MTOR: variants seen among roughly 807,000 people sequenced by gnomAD.
MTOR encodes mechanistic target of rapamycin kinase.
In MTOR, 70 loss-of-function variants were observed where a neutral mutation model predicts 319.8. That is an observed-to-expected ratio of 0.22 (90% CI 0.18 to 0.27). The LOEUF is 0.27. Ranked by LOEUF, MTOR falls within the 10% of genes least tolerant of loss-of-function variation. MTOR has a pLI of 1.00. For synonymous variants in MTOR, 1,183 were observed against 1,211.4 expected (o/e 0.98, Z 0.49); for missense variants, 1,890 against 3,274.4 (o/e 0.58, Z 10.32).
Position 11,240,594 on chromosome 1 carries a change from C to T in MTOR, c.1542-47G>A, listed in dbSNP as rs770464091. On this transcript the variant is annotated intron_variant, in intron 10 of 57. Coordinates refer to ENST00000361445, the MANE Select transcript of MTOR (RefSeq NM_004958.4). ...ACATAAGGGCTGGGCACATGACACT[C>T]AGTCTGTTCTTGGGAAGAAACAGCT... 4 of 1,587,358 alleles carry T rather than the reference C, an allele frequency of 2.5e-6. No homozygotes were observed. In the South Asian group the frequency reaches 4.6e-5, roughly 18 times the overall value.
chr1:11,255,515 T>C (rs894939578), intron 5 of MTOR, among the ~76,000 whole-genome samples: 4 of 151,902 alleles, frequency 2.6e-5, no homozygotes, highest in African/African-American at 9.7e-5. Context: ...TTTGCTTTAA[T>C]AAAATGCAAT....
chr1:11,179,175 G>C (rs1433526839), intron 28 of MTOR, among the ~76,000 whole-genome samples: 5 of 152,206 alleles, frequency 3.3e-5, no homozygotes, highest in African/African-American at 1.2e-4. Flanking sequence ...ATCACTGCAT[G>C]AACAGTCAGA....
chr1:11,248,083 T>G lies in MTOR; in HGVS notation c.852A>C (p.Glu284Asp). 6.2e-7 allele frequency: 1 copy of G among 1,608,120 alleles called. No homozygotes were observed. The highest frequency in any genetic ancestry group is 8.5e-7 in the Non-Finnish European group (1 of 1,176,036). Residue 284 changes from glutamate (E) to aspartate (D), a missense_variant, in exon 7 of 58, where the codon GAA becomes GAC. Physicochemically the swap from Glu to Asp is conservative, Grantham distance 45. This residue lies in a region of MTOR where 418 missense variants were observed against 543.1 expected (regional missense o/e 0.77). Transcript: ENST00000361445. ...ISSMEGERLR[E>D]EMEEITQQQL... ...GCTGCTGTGTGATTTCTTCCATTTC[T>G]TCTCTCAGACGCTATATATATGAGG...
Position 11,115,763 on chromosome 1 carries a change from GT to G in MTOR, c.7017-296del, listed in dbSNP as rs1446423376. The G allele has an allele frequency of 1.2e-5, 4 of 331,444 alleles. No individual in the cohort carries two copies. The East Asian group carries it at 2.0e-4, about 17-fold the overall frequency. 20.5% of individuals were successfully genotyped at this position (331,444 alleles called of 1,614,324 possible). On this transcript the variant is annotated intron_variant, in intron 50 of 57. Coordinates refer to ENST00000361445, the MANE Select transcript of MTOR (RefSeq NM_004958.4). The surrounding 1 kb of genome is among the most constrained non-coding windows in gnomAD (Gnocchi z 4.5). ...TATTAACTGGTCCTTTACAGAAACAGTTTGCCAACTCCTGCTGAAATGTGGG... is the reference window on the plus strand; with the variant it reads ...TATTAACTGGTCCTTTACAGAAACAGTTGCCAACTCCTGCTGAAATGTGGG...
intron 8 of MTOR, among the ~76,000 whole-genome samples, chr1:11,246,276 T>G (rs1648804682): frequency 6.6e-6 from 1 of 152,216 alleles, no homozygotes; most frequent in South Asian, 2.1e-4. Context: ...CCTTCTGAAC[T>G]TACAAGGGTA....
intron 4 of MTOR, 57 bp downstream of exon 4, chr1:11,256,876 C>G: frequency 4.6e-6 from 7 of 1,522,666 alleles, no homozygotes; most frequent in Non-Finnish European, 6.3e-6. Context: ...GCAAAAGACC[C>G]CCCCATGACA....
chr1:11,252,474 G>T (rs1006382336), intron 6 of MTOR, among the ~76,000 whole-genome samples: 1 of 152,030 alleles, frequency 6.6e-6, no homozygotes, highest in Non-Finnish European at 1.5e-5. Flanking sequence ...GAATCCAGAT[G>T]TAGAACTCAT....
chr1:11,166,230 G>A (rs1211739736), intron 29 of MTOR, among the ~76,000 whole-genome samples: 1 of 152,150 alleles, frequency 6.6e-6, no homozygotes, highest in African/African-American at 2.4e-5. Flanking sequence ...GGCAACAAAA[G>A]CCAAAATTGA....
At chr1:11,145,955 A>G (rs72647298) in intron 32 of MTOR, among the ~76,000 whole-genome samples, 2,547 of 152,262 alleles carry the variant, frequency 0.017, 29 homozygotes, top group South Asian at 0.043. Context: ...GAGATGCCCA[A>G]TCCTGTCCAC....
Position 11,133,675 on chromosome 1 carries a change from C to G in MTOR, c.5247-478G>C, listed in dbSNP as rs1379453399. Reference sequence around the variant, plus strand: ...GCATTAATCCTCACACTACTTTATACCACCCTAGGAAATAGAAACTGTTAC... The same window carrying G: ...GCATTAATCCTCACACTACTTTATAGCACCCTAGGAAATAGAAACTGTTAC... On this transcript the variant is annotated intron_variant, in intron 37 of 57. Transcript: ENST00000361445. This position sits in a 1 kb window ranked among gnomAD's most constrained non-coding sequence, Gnocchi z 4.0. 6.6e-6 allele frequency among the ~76,000 whole-genome samples: 1 copy of G among 152,190 alleles called. No homozygotes were observed. The highest frequency in any genetic ancestry group is 1.5e-5 in the Non-Finnish European group (1 of 68,040).
In MTOR at chr1:11,200,261, T is replaced by C. The variant is rs996892137; in HGVS notation, c.3945-558A>G. On this transcript the variant is annotated intron_variant, in intron 26 of 57. Coordinates refer to ENST00000361445, the MANE Select transcript of MTOR (RefSeq NM_004958.4). ...GAAATGTCAAAGGCAGCATCTGCAA[T>C]TGCTTTCAAAATATAACCAGAATCC... Among the ~76,000 whole-genome samples, 3 of 152,322 alleles carry C rather than the reference T, an allele frequency of 2.0e-5. 1 individual carries two copies. In the South Asian group the frequency reaches 6.2e-4, roughly 32 times the overall value.
rs1427441821 is a variant in MTOR, at chr1:11,122,025, T to C, written c.6764A>G (p.Glu2255Gly). 47 of 1,614,060 alleles carry C rather than the reference T, an allele frequency of 2.9e-5. No individual in the cohort carries two copies. The highest frequency in any genetic ancestry group is 3.9e-5 in the Non-Finnish European group (46 of 1,180,038). The change falls in exon 48 of 58, where the codon GAG becomes GGG. Residue 2255 changes from glutamate (E) to glycine (G), a missense_variant. Coordinates refer to ENST00000361445, the MANE Select transcript of MTOR (RefSeq NM_004958.4). Reference sequence around the variant, plus strand: ...GATGTTGAGAAGGATCTTCTTCTTCTCCCTGTAGTCCCGGATGAGGGCGTG... The same window carrying C: ...GATGTTGAGAAGGATCTTCTTCTTCCCCCTGTAGTCCCGGATGAGGGCGTG... ...TLHALIRDYR[E>G]KKKILLNIEH...
At chr1:11,183,905 A>G (rs1333890061) in intron 28 of MTOR, among the ~76,000 whole-genome samples, 1 of 152,224 alleles carries the variant, frequency 6.6e-6, no homozygotes, top group Non-Finnish European at 1.5e-5. Context: ...CCTTGTTATA[A>G]ATCAAGTGTC....
chr1:11,246,028 T>A (rs1258061714), intron 8 of MTOR, among the ~76,000 whole-genome samples: 1 of 152,202 alleles, frequency 6.6e-6, no homozygotes, highest in Non-Finnish European at 1.5e-5. Flanking sequence ...CTAAAGCTTA[T>A]AACATTGAGA....
intron 49 of MTOR, among the ~76,000 whole-genome samples, chr1:11,119,196 TGAG>T (rs1476648135): frequency 1.3e-5 from 2 of 151,920 alleles, no homozygotes; most frequent in African/African-American, 4.8e-5. Flanking sequence ...TTTGGGAGGC[TGAG>T]AAGGGCGGAT....
intron 38 of MTOR, chr1:11,132,802 C>T (rs769452566): frequency 1.5e-5 from 5 of 333,920 alleles, no homozygotes; most frequent in Non-Finnish European, 2.7e-5. Flanking sequence ...CCCAGGAAAA[C>T]AAGCAGCTCA....
At chr1:11,251,473 TA>T (rs1649659743) in intron 6 of MTOR, among the ~76,000 whole-genome samples, 1 of 152,200 alleles carries the variant, frequency 6.6e-6, no homozygotes, top group South Asian at 2.1e-4. Flanking sequence ...ATATGATATA[TA>T]ATAGGTTTTT....
intron 31 of MTOR, among the ~76,000 whole-genome samples, chr1:11,148,111 C>A (rs918255288): frequency 6.6e-6 from 1 of 152,030 alleles, no homozygotes; most frequent in African/African-American, 2.4e-5. Flanking sequence ...AGACAACTGT[C>A]CTCTCCCTTT....
At chr1:11,126,837 G>C (rs775219462) in intron 45 of MTOR, 41 bp from the exon 46 acceptor site, 6 of 1,598,346 alleles carry the variant, frequency 3.8e-6, no homozygotes. Context: ...CTGCCTCCAG[G>C]GAAGAATTTA....
Sources: allele counts gnomAD v4.1 joint callset (sites outside exome capture counted in the v4.1 genomes callset), GRCh38; gene constraint gnomAD v4.1.1; regional missense constraint gnomAD v4.1.1; non-coding constraint Gnocchi (gnomAD v3.1); transcripts MANE v1.5; gene names NCBI Gene and HGNC (gene_info 2026-07-23, HGNC 2026-07-21).